The following CEP85L variants were observed in gnomAD, a reference collection of about 807,000 sequenced individuals.
The protein encoded by CEP85L is centrosomal protein of 85 kDa-like.
Under a neutral mutation model 100.3 loss-of-function variants are expected in CEP85L, and 60 were observed. That is an observed-to-expected ratio of 0.60 (90% CI 0.49 to 0.74). CEP85L has a LOEUF of 0.74. Ranked by LOEUF, CEP85L falls within the 30% of genes least tolerant of loss-of-function variation. The probability of loss-of-function intolerance (pLI) is 0.00; values close to 1 mark genes in which losing one functional copy is unlikely to be tolerated. For missense variants in CEP85L, 973 were observed against 936.2 expected (o/e 1.04, Z -0.51); for synonymous variants, 319 against 322.7 (o/e 0.99, Z 0.12).
intron 3 of CEP85L, among the ~76,000 whole-genome samples, chr6:118,541,986 T>G (rs190549469): frequency 6.6e-6 from 1 of 152,310 alleles, no homozygotes; most frequent in Non-Finnish European, 1.5e-5. Context: ...TGATCAGCCT[T>G]ACATGAACTA....
chr6:118,590,449 A>T (rs1438647841), intron 2 of CEP85L, among the ~76,000 whole-genome samples: 1 of 152,176 alleles, frequency 6.6e-6, no homozygotes, highest in Non-Finnish European at 1.5e-5. Context: ...AGCATCATGG[A>T]CACCACCACA....
intron 2 of CEP85L, among the ~76,000 whole-genome samples, chr6:118,597,174 T>C (rs1255821204): frequency 6.6e-6 from 1 of 152,172 alleles, no homozygotes; most frequent in Non-Finnish European, 1.5e-5. Context: ...CCATTTAACC[T>C]CTTTTCTTTA....
intron 2 of CEP85L, among the ~76,000 whole-genome samples, chr6:118,588,755 C>T (rs1337742216): frequency 6.6e-6 from 1 of 152,156 alleles, no homozygotes; most frequent in African/African-American, 2.4e-5. Context: ...TGTTTCCTAT[C>T]GCCTAGAAGC....
At chr6:118,709,556 T>TGTGTGTGA (rs751698371) in intron 1 of CEP85L, among the ~76,000 whole-genome samples, 5 of 142,324 alleles carry the variant, frequency 3.5e-5, no homozygotes, top group Non-Finnish European at 6.0e-5. Flanking sequence ...TGTGTGTGTG[T>TGTGTGTGA]GAGAGAGAGA....
intron 2 of CEP85L, among the ~76,000 whole-genome samples, chr6:118,611,851 A>T (rs1772644877): frequency 6.6e-6 from 1 of 152,186 alleles, no homozygotes. Context: ...GCAATATATA[A>T]AGCAAAAACA....
At chr6:118,638,168 G>A (rs1774630732) in intron 1 of CEP85L, among the ~76,000 whole-genome samples, 1 of 150,910 alleles carries the variant, frequency 6.6e-6, no homozygotes, top group South Asian at 2.1e-4. Context: ...TTAAGCCCAG[G>A]AGTTCGAGAC....
chr6:118,617,806 G>A (rs1176975214), intron 2 of CEP85L, among the ~76,000 whole-genome samples: 1 of 152,152 alleles, frequency 6.6e-6, no homozygotes, highest in African/African-American at 2.4e-5. Flanking sequence ...ACATCTTAGT[G>A]AGCCAGCCAG....
chr6:118,576,665 A>T (rs1372251320), intron 2 of CEP85L, among the ~76,000 whole-genome samples: 1 of 152,058 alleles, frequency 6.6e-6, no homozygotes, highest in Non-Finnish European at 1.5e-5. Context: ...TCCTCAGAGG[A>T]AGAGTTAGGC....
At chr6:118,698,052 C>T (rs1199372774) in intron 1 of CEP85L, among the ~76,000 whole-genome samples, 7 of 152,190 alleles carry the variant, frequency 4.6e-5, no homozygotes, top group Admixed American at 2.6e-4. Flanking sequence ...AAAAAAGCTG[C>T]AGCCTGGACC....
At chr6:118,482,264 G>A (rs774321646) in intron 7 of CEP85L, among the ~76,000 whole-genome samples, 1 of 151,998 alleles carries the variant, frequency 6.6e-6, no homozygotes. Flanking sequence ...TGTATGACAG[G>A]TTGAGGTTAA....
chr6:118,513,202 T>C (rs1332895645), intron 4 of CEP85L, among the ~76,000 whole-genome samples: 1 of 152,018 alleles, frequency 6.6e-6, no homozygotes, highest in Non-Finnish European at 1.5e-5. Context: ...GCCGCGAGAT[T>C]ATAAGAGGCC....
intron 2 of CEP85L, among the ~76,000 whole-genome samples, chr6:118,576,399 T>C (rs1014783745): frequency 9.2e-5 from 14 of 152,170 alleles, no homozygotes; most frequent in African/African-American, 3.1e-4. Context: ...ACCACACAAG[T>C]GAAGAAGGCC....
intron 3 of CEP85L, chr6:118,537,706 C>T: frequency 1.0e-6 from 1 of 985,300 alleles, no homozygotes. Flanking sequence ...GAAAATAGTT[C>T]AAAATTCTTT....
chr6:118,625,233 T>C (rs1773708009), intron 2 of CEP85L, among the ~76,000 whole-genome samples: 1 of 152,384 alleles, frequency 6.6e-6, no homozygotes, highest in African/African-American at 2.4e-5. Flanking sequence ...ACTCCAGACA[T>C]CTTTTTCATC....
chr6:118,610,935 A>T (rs542399078), intron 2 of CEP85L, among the ~76,000 whole-genome samples: 4 of 152,296 alleles, frequency 2.6e-5, no homozygotes, highest in African/African-American at 9.6e-5. Context: ...AATTGCCCTC[A>T]AAGAATCAAG....
chr6:118,674,784 G>A (rs1291985943), intron 1 of CEP85L, among the ~76,000 whole-genome samples: 1 of 152,106 alleles, frequency 6.6e-6, no homozygotes, highest in African/African-American at 2.4e-5. Flanking sequence ...CCTGTAGAAA[G>A]GCTATCATTT....
intron 3 of CEP85L, among the ~76,000 whole-genome samples, chr6:118,526,291 G>A (rs12194496): frequency 0.11 from 17,200 of 152,026 alleles, 1,247 homozygotes; most frequent in African/African-American, 0.2. Flanking sequence ...ACCACTGTGC[G>A]GACTGTCTCT....
chr6:118,586,473 T>C lies in CEP85L; in HGVS notation c.233-20157A>G, dbSNP rs138423844. ...GGTACTGGTAAAGGATCCTCCTCTCTCTCTCCCTTCCTAAGCCCAACCTAG... is the reference window on the plus strand; with the variant it reads ...GGTACTGGTAAAGGATCCTCCTCTCCCTCTCCCTTCCTAAGCCCAACCTAG... On this transcript the variant is annotated intron_variant, in intron 2 of 12. Transcript: ENST00000368491. Among the ~76,000 whole-genome samples the C allele has an allele frequency of 2.6e-3, 396 of 152,178 alleles. 1 individual carries two copies. Among genetic ancestry groups the C allele is most frequent in the African/African-American group, 9.1e-3 (379 of 41,500 alleles).
chr6:118,652,852 G>T, upstream of CEP85L: 1 of 810,360 alleles, frequency 1.2e-6, no homozygotes. Flanking sequence ...GAATGTGATT[G>T]GTTCCTTTTT....
Sources: gnomAD v4.1 joint callset for allele counts (sites outside exome capture counted in the v4.1 genomes callset) on GRCh38, gnomAD v4.1.1 for gene constraint, MANE v1.5 for transcripts, NCBI Gene and HGNC (gene_info 2026-07-23, HGNC 2026-07-21) for gene names.